Variants in CYFIP2 observed in about 807,000 individuals in gnomAD.
CYFIP2 encodes the protein cytoplasmic FMR1-interacting protein 2.
A neutral mutation model predicts 158.7 loss-of-function variants in CYFIP2; 29 were observed. The ratio of observed to expected loss-of-function variants is 0.18; its 90% confidence interval spans 0.14 to 0.25. The LOEUF (loss-of-function observed/expected upper bound fraction) is 0.25, where lower values mean the gene tolerates loss of function less well. CYFIP2 is among the 10% of genes least tolerant of loss of function. The pLI, the probability that CYFIP2 is intolerant of heterozygous loss-of-function variation, is 1.00. For synonymous variants in CYFIP2, 585 were observed against 617.6 expected (o/e 0.95, Z 0.78); for missense variants, 852 against 1,639.5 (o/e 0.52, Z 8.29).
At chr5:157,301,348 A>G (rs1327208338) in intron 6 of CYFIP2, among the ~76,000 whole-genome samples, 1 of 152,214 alleles carries the variant, frequency 6.6e-6, no homozygotes, top group Non-Finnish European at 1.5e-5. Context: ...TGTTAGCCTG[A>G]GTGCCTCCAG....
Position 157,270,070 on chromosome 5 carries a change from G to A in CYFIP2, c.-24+3875G>A, listed in dbSNP as rs568712603. ...TTCTTGCAGGGATCATTCTGGTTGCGTGGCATTTTGATAGACTTTGGGCAA... is the reference window on the plus strand; with the variant it reads ...TTCTTGCAGGGATCATTCTGGTTGCATGGCATTTTGATAGACTTTGGGCAA... On this transcript the variant is annotated intron_variant, in intron 1 of 30. Transcript: ENST00000620254. Among the ~76,000 whole-genome samples the A allele has an allele frequency of 8.1e-4, 124 of 152,318 alleles. 1 individual carries two copies. Among genetic ancestry groups the A allele is most frequent in the African/African-American group, 2.7e-3 (112 of 41,566 alleles).
intron 26 of CYFIP2, chr5:157,364,201 T>TGGGGGGGGGGGGGGGGGG (rs1330747273): frequency 2.0e-4 from 3 of 15,106 alleles, no homozygotes; most frequent in Non-Finnish European, 4.3e-4. Flanking sequence ...TGGGGCGGGG[T>TGGGGGGGGGGGGGGGGGG]GGCGGGGGGG....
intron 2 of CYFIP2, among the ~76,000 whole-genome samples, chr5:157,286,705 G>A (rs909890380): frequency 6.6e-6 from 1 of 152,054 alleles, no homozygotes; most frequent in Admixed American, 6.6e-5. Context: ...TGGAACTGCC[G>A]AATCAAAGCA....
intron 3 of CYFIP2, among the ~76,000 whole-genome samples, chr5:157,289,524 C>T (rs1757659460): frequency 6.6e-6 from 1 of 152,136 alleles, no homozygotes; most frequent in Non-Finnish European, 1.5e-5. Context: ...GACTTTTTTC[C>T]TTGGCTCCCA....
In CYFIP2 at chr5:157,296,712, G is replaced by A; in HGVS notation, c.325G>A (p.Glu109Lys). ...NEQPNRVEIY[E>K]KTVEVLEPEV... ...GCAGCCCAACCGAGTAGAGATCTAT[G>A]AGAAGACAGTAGAGGTGCTGGAGCC... Residue 109 changes from glutamate to lysine, a missense_variant, in exon 5 of 31, where the codon GAG (glutamate) becomes AAG (lysine). This residue lies in a region of CYFIP2 where 123 missense variants were observed against 316.7 expected (regional missense o/e 0.39). Transcript: ENST00000620254. 6.2e-7 allele frequency: 1 copy of A among 1,613,876 alleles called. No homozygotes were observed. The highest frequency in any genetic ancestry group is 8.5e-7 in the Non-Finnish European group (1 of 1,179,800).
intron 3 of CYFIP2, among the ~76,000 whole-genome samples, chr5:157,293,722 A>C (rs192884461): frequency 1.1e-3 from 163 of 152,348 alleles, no homozygotes; most frequent in African/African-American, 3.9e-3. Flanking sequence ...AGACAAAACC[A>C]ATTCACTGAG....
At chr5:157,339,787 A>T (rs1762112790) in intron 22 of CYFIP2, among the ~76,000 whole-genome samples, 1 of 152,218 alleles carries the variant, frequency 6.6e-6, no homozygotes, top group African/African-American at 2.4e-5. Context: ...ACTAGGAATA[A>T]ATAAGGCAAA....
intron 10 of CYFIP2, among the ~76,000 whole-genome samples, chr5:157,310,208 C>T (rs953351731): frequency 3.3e-5 from 5 of 152,146 alleles, no homozygotes; most frequent in Non-Finnish European, 5.9e-5. Context: ...GGTGACCGTG[C>T]GCTAAGTCCA....
At chr5:157,327,303 G>A (rs1761099831) in intron 18 of CYFIP2, among the ~76,000 whole-genome samples, 1 of 152,186 alleles carries the variant, frequency 6.6e-6, no homozygotes, top group South Asian at 2.1e-4. Flanking sequence ...GGTGGCTCAT[G>A]CCTGTAATCC....
chr5:157,310,596 G>T (rs757990789), intron 10 of CYFIP2, among the ~76,000 whole-genome samples: 3 of 152,248 alleles, frequency 2.0e-5, no homozygotes, highest in Non-Finnish European at 2.9e-5. Context: ...ACGGGGTTTT[G>T]CAGGAAAAGC....
chr5:157,283,248 A>C (rs1312938509), intron 1 of CYFIP2, among the ~76,000 whole-genome samples: 2 of 152,216 alleles, frequency 1.3e-5, no homozygotes, highest in East Asian at 3.8e-4. Flanking sequence ...TGCAAGATTG[A>C]AATAGTCAAG....
At chr5:157,293,082 G>A (rs1469760211) in intron 3 of CYFIP2, among the ~76,000 whole-genome samples, 1 of 151,920 alleles carries the variant, frequency 6.6e-6, no homozygotes, top group Non-Finnish European at 1.5e-5. Flanking sequence ...TTGAGATGGA[G>A]TCTTGCTCTG....
intron 25 of CYFIP2, 82 bp downstream of exon 25, chr5:157,360,454 C>G (rs530409923): frequency 2.5e-6 from 3 of 1,199,626 alleles, no homozygotes; most frequent in African/African-American, 1.5e-5. Context: ...GTTTGCTTCT[C>G]TAACATGCCA....
chr5:157,373,391 C>CG (rs1431568249), intron 26 of CYFIP2, among the ~76,000 whole-genome samples: 1 of 152,152 alleles, frequency 6.6e-6, no homozygotes, highest in East Asian at 1.9e-4. Context: ...CTTCAGCCCC[C>CG]CAGAAAGAGC....
intron 19 of CYFIP2, 45 bp from the exon 20 acceptor site, chr5:157,330,697 T>C: frequency 6.7e-7 from 1 of 1,497,784 alleles, no homozygotes. Context: ...TTGAGAGTCA[T>C]TCACAATCTG....
At chr5:157,332,086 G>C (rs1339534493) in intron 20 of CYFIP2, among the ~76,000 whole-genome samples, 1 of 152,228 alleles carries the variant, frequency 6.6e-6, no homozygotes, top group African/African-American at 2.4e-5. Flanking sequence ...ACTGAATTGA[G>C]TGCAAGAAAG....
intron 1 of CYFIP2, among the ~76,000 whole-genome samples, chr5:157,273,476 G>A (rs757051978): frequency 6.6e-6 from 1 of 152,168 alleles, no homozygotes. Context: ...CCTGACAGAT[G>A]GCAGAGAAAC....
At chr5:157,290,708 A>G (rs902158132) in intron 3 of CYFIP2, among the ~76,000 whole-genome samples, 1 of 152,218 alleles carries the variant, frequency 6.6e-6, no homozygotes, top group Non-Finnish European at 1.5e-5. Flanking sequence ...ACATTCCTGG[A>G]TAACACCAAA....
At chr5:157,355,136 TG>T (rs1763328827) in intron 23 of CYFIP2, among the ~76,000 whole-genome samples, 1 of 149,652 alleles carries the variant, frequency 6.7e-6, no homozygotes, top group African/African-American at 2.5e-5. Context: ...ATTTTTATGA[TG>T]TTCTTAATGT....
Sources: gnomAD v4.1 joint callset for allele counts (sites outside exome capture counted in the v4.1 genomes callset) on GRCh38, gnomAD v4.1.1 for gene constraint, gnomAD v4.1.1 regional missense constraint, MANE v1.5 for transcripts, NCBI Gene and HGNC (gene_info 2026-07-23, HGNC 2026-07-21) for gene names.